Variants in ATP9A observed in about 807,000 individuals in gnomAD.
The protein encoded by ATP9A is ATPase phospholipid transporting 9A.
In ATP9A, 52 loss-of-function variants were observed where a neutral mutation model predicts 144.1. The ratio of observed to expected loss-of-function variants is 0.36; its 90% confidence interval spans 0.29 to 0.45. The LOEUF is 0.45. ATP9A is among the 20% of genes least tolerant of loss of function. The pLI, the probability that ATP9A is intolerant of heterozygous loss-of-function variation, is 1.00. For missense variants in ATP9A, 947 were observed against 1,392.7 expected, an observed-to-expected ratio of 0.68 and a Z score of 5.09; for synonymous variants, 582 against 557.4, an observed-to-expected ratio of 1.04 and a Z score of -0.62.
intron 1 of ATP9A, among the ~76,000 whole-genome samples, chr20:51,738,884 C>T (rs1337593177): frequency 6.6e-6 from 1 of 152,118 alleles, no homozygotes; most frequent in Admixed American, 6.6e-5. Flanking sequence ...GAGTTCGAGA[C>T]CAGCCTGGAC....
intron 1 of ATP9A, among the ~76,000 whole-genome samples, chr20:51,740,205 C>T (rs1055810597): frequency 3.3e-5 from 5 of 151,650 alleles, no homozygotes; most frequent in African/African-American, 7.3e-5. Context: ...TACAGGCATG[C>T]ACCACCACAC....
intron 3 of ATP9A, among the ~76,000 whole-genome samples, chr20:51,723,780 C>T (rs1003960944): frequency 6.6e-6 from 1 of 151,896 alleles, no homozygotes; most frequent in African/African-American, 2.4e-5. Context: ...TGGTCTTGAT[C>T]TCTTGACCTC....
At chr20:51,678,889 A>T (rs1006633463) in intron 9 of ATP9A, among the ~76,000 whole-genome samples, 9 of 152,104 alleles carry the variant, frequency 5.9e-5, no homozygotes, top group Non-Finnish European at 1.3e-4. Flanking sequence ...CCTCCACAAG[A>T]TCCAAACCCC....
chr20:51,706,982 T>A (rs927877885), intron 4 of ATP9A, among the ~76,000 whole-genome samples: 7 of 152,160 alleles, frequency 4.6e-5, no homozygotes, highest in African/African-American at 7.2e-5. Context: ...TGGTCTTCTC[T>A]GGAGAGGCTC....
intron 4 of ATP9A, among the ~76,000 whole-genome samples, chr20:51,712,074 C>CT (rs74175572): frequency 0.28 from 27,502 of 98,772 alleles, 3,705 homozygotes; most frequent in African/African-American, 0.4. Context: ...CCAGGCTGGT[C>CT]TTTTTTTTTT....
intron 1 of ATP9A, among the ~76,000 whole-genome samples, chr20:51,747,889 A>G (rs941325877): frequency 6.6e-6 from 1 of 152,174 alleles, no homozygotes; most frequent in South Asian, 2.1e-4. Flanking sequence ...CAAGGCAGGC[A>G]TGCCCCGGAA....
At chr20:51,649,948 T>C (rs994411126) in intron 14 of ATP9A, among the ~76,000 whole-genome samples, 2 of 149,562 alleles carry the variant, frequency 1.3e-5, no homozygotes, top group African/African-American at 4.9e-5. Context: ...GCTGATTGAA[T>C]TGAAAGTTAC....
intron 9 of ATP9A, among the ~76,000 whole-genome samples, chr20:51,684,695 CAAAAA>C (rs34692104): frequency 2.1e-5 from 2 of 94,570 alleles, no homozygotes; most frequent in Admixed American, 1.2e-4. Context: ...GACTCTGTCT[CAAAAA>C]AAAAAAAAAA....
At chr20:51,652,438 CAT>C (rs1025580039) in intron 14 of ATP9A, among the ~76,000 whole-genome samples, 2 of 152,224 alleles carry the variant, frequency 1.3e-5, no homozygotes, top group African/African-American at 4.8e-5. Context: ...GGTTTCTACA[CAT>C]GTTCCATAAA....
At chr20:51,628,416 T>C (rs1417960538) in intron 16 of ATP9A, among the ~76,000 whole-genome samples, 1 of 152,090 alleles carries the variant, frequency 6.6e-6, no homozygotes, top group Admixed American at 6.6e-5. Context: ...TAGTGACTTG[T>C]CCCTAACAAA....
At chr20:51,724,590 T>C (rs1399396037) in intron 3 of ATP9A, among the ~76,000 whole-genome samples, 1 of 152,226 alleles carries the variant, frequency 6.6e-6, no homozygotes, top group Non-Finnish European at 1.5e-5. Flanking sequence ...TTTCACAATT[T>C]GTAACAATTT....
At chr20:51,638,041 C>T (rs1022222953) in intron 15 of ATP9A, among the ~76,000 whole-genome samples, 3 of 128,962 alleles carry the variant, frequency 2.3e-5, no homozygotes, top group Non-Finnish European at 4.8e-5. Context: ...TAATTCATTC[C>T]TTTCCATGGC....
At chr20:51,755,904 G>A (rs187536283) in intron 1 of ATP9A, among the ~76,000 whole-genome samples, 48 of 151,892 alleles carry the variant, frequency 3.2e-4, no homozygotes, top group African/African-American at 1.1e-3. Flanking sequence ...GCAGTGAGCC[G>A]AGATCGTGCC....
chr20:51,726,323 A>AAG (rs2077713034), intron 2 of ATP9A, among the ~76,000 whole-genome samples: 1 of 132,470 alleles, frequency 7.5e-6, no homozygotes, highest in African/African-American at 3.7e-5. Context: ...CAAAAAAAAA[A>AAG]AAAAAAAAAA....
chr20:51,753,496 G>A (rs1043602481), intron 1 of ATP9A, among the ~76,000 whole-genome samples: 83 of 148,840 alleles, frequency 5.6e-4, no homozygotes, highest in African/African-American at 2.0e-3. Context: ...ACAAACCCAC[G>A]TTCTACATGG....
At chr20:51,692,662 C>A (rs1382337775) in intron 7 of ATP9A, among the ~76,000 whole-genome samples, 1 of 152,014 alleles carries the variant, frequency 6.6e-6, no homozygotes, top group East Asian at 1.9e-4. Context: ...ATTAGCCGGG[C>A]GTGGTGGCGG....
intron 1 of ATP9A, among the ~76,000 whole-genome samples, chr20:51,764,905 G>C (rs540469148): frequency 1.3e-5 from 2 of 152,152 alleles, no homozygotes; most frequent in Middle Eastern, 3.4e-3. Flanking sequence ...ATTTTTAGTA[G>C]AGACAGGGTT....
intron 14 of ATP9A, among the ~76,000 whole-genome samples, chr20:51,639,814 A>G (rs952604244): frequency 6.6e-6 from 1 of 152,186 alleles, no homozygotes; most frequent in Non-Finnish European, 1.5e-5. Flanking sequence ...GACTGGGTGC[A>G]GTGGCTCAGG....
chr20:51,727,727 C>T (rs779038154), intron 2 of ATP9A, among the ~76,000 whole-genome samples: 1 of 152,044 alleles, frequency 6.6e-6, no homozygotes, highest in Non-Finnish European at 1.5e-5. Flanking sequence ...GTCAGGAGTT[C>T]AAGACCAGCC....
Sources: gnomAD v4.1 joint callset for allele counts (sites outside exome capture counted in the v4.1 genomes callset) on GRCh38, gnomAD v4.1.1 for gene constraint, MANE v1.5 for transcripts, NCBI Gene and HGNC (gene_info 2026-07-23, HGNC 2026-07-21) for gene names.